The following SMC6 variants were observed in gnomAD, a reference collection of about 807,000 sequenced individuals.
The protein encoded by SMC6 is structural maintenance of chromosomes 6, also known as structural maintenance of chromosomes protein 6.
In SMC6, 79 loss-of-function variants were observed where a neutral mutation model predicts 142.2. That is an observed-to-expected ratio of 0.56 (90% CI 0.46 to 0.67). The LOEUF (loss-of-function observed/expected upper bound fraction) is 0.67. Ranked by LOEUF, SMC6 falls within the 30% of genes least tolerant of loss-of-function variation. The pLI is 0.00. For missense variants in SMC6, 1,072 were observed against 1,284.0 expected (o/e 0.83, Z 2.52); for synonymous variants, 411 against 412.4 (o/e 1.00, Z 0.04).
chr2:17,700,734 T>A (rs1668229096), intron 20 of SMC6, among the ~76,000 whole-genome samples: 1 of 152,074 alleles, frequency 6.6e-6, no homozygotes, highest in East Asian at 1.9e-4. Flanking sequence ...TATCCATATG[T>A]TTAAGAAATT....
intron 25 of SMC6, among the ~76,000 whole-genome samples, chr2:17,674,724 T>C (rs1034750604): frequency 4.6e-5 from 7 of 152,168 alleles, no homozygotes; most frequent in African/African-American, 1.7e-4. Flanking sequence ...ATTAGGTATA[T>C]ACAAATTAAA....
rs146685442 is a variant in SMC6 at position 17,691,350 on chromosome 2, CTGTG to C, written c.2678+3798_2678+3801del. On this transcript the variant is annotated intron_variant, in intron 23 of 27. Transcript: ENST00000448223. ...TGTGTGTGTCTCTGTGTGTGTGTGT[CTGTG>C]TGTGTGTGTGTGTATACACATTTTT... Among the ~76,000 whole-genome samples, 34 of 140,018 alleles carry C rather than the reference CTGTG, an allele frequency of 2.4e-4. 1 individual carries two copies. The South Asian group carries it at 8.1e-3, about 33-fold the overall frequency. 91.9% of individuals were successfully genotyped at this position (140,018 alleles called of 152,430 possible).
At chr2:17,668,444 C>T (rs1322842478) in intron 26 of SMC6, among the ~76,000 whole-genome samples, 2 of 152,128 alleles carry the variant, frequency 1.3e-5, no homozygotes, top group Admixed American at 6.6e-5. Flanking sequence ...ATAAACATCT[C>T]AGACATAGCT....
chr2:17,666,886 G>A (rs1252418056), intron 26 of SMC6, among the ~76,000 whole-genome samples: 1 of 152,036 alleles, frequency 6.6e-6, no homozygotes, highest in African/African-American at 2.4e-5. Context: ...GGAGGCCGAG[G>A]CAGGAGGATC....
chr2:17,707,797 T>A lies in SMC6; in HGVS notation c.1846-418A>T, dbSNP rs748885409. ...AGCAAATTCCAATAAAAGATTAACA[T>A]ACTGAAATATGTAGGGAAAGTCTGG... is the stretch of plus-strand genomic sequence containing the variant. On this transcript the variant is annotated intron_variant, in intron 17 of 27. Transcript: ENST00000448223. 3.9e-5 allele frequency among the ~76,000 whole-genome samples: 6 copies of A among 152,028 alleles called. No individual in the cohort carries two copies. In the South Asian group the frequency reaches 1.2e-3, roughly 31 times the overall value.
rs77216570 is a variant in SMC6 at position 17,736,483 on chromosome 2, A to G, written c.344+1738T>C. Among the ~76,000 whole-genome samples, 735 of 152,310 alleles carry G rather than the reference A, an allele frequency of 4.8e-3. 4 individuals are homozygous for G. The highest frequency in any genetic ancestry group is 7.9e-3 in the Non-Finnish European group (535 of 68,020). The stretch of plus-strand genomic sequence containing the variant: ...GAAAACATTTAACAGTGTATAAAAA[A>G]TAATTTCTTCTTAAAGACTGTATCT... On this transcript the variant is annotated intron_variant, in intron 5 of 27. Transcript: ENST00000448223.
chr2:17,745,973 C>T (rs1271140544), intron 2 of SMC6, 22 bp from the exon 3 acceptor site: 1 of 1,567,836 alleles, frequency 6.4e-7, no homozygotes, highest in Non-Finnish European at 8.6e-7. Context: ...TTTATAGTAA[C>T]AATGAGGTAA....
chr2:17,704,255 G>A (rs1668401351), intron 18 of SMC6, among the ~76,000 whole-genome samples: 1 of 152,094 alleles, frequency 6.6e-6, no homozygotes, highest in African/African-American at 2.4e-5. Context: ...CCAACTAGGG[G>A]AGAAGATAAA....
intron 7 of SMC6, among the ~76,000 whole-genome samples, chr2:17,730,051 A>C (rs1669831117): frequency 6.6e-6 from 1 of 152,186 alleles, no homozygotes; most frequent in Non-Finnish European, 1.5e-5. Flanking sequence ...TGCACAATGG[A>C]TAGAACAGTA....
intron 16 of SMC6, among the ~76,000 whole-genome samples, chr2:17,712,400 T>C (rs894985942): frequency 6.6e-6 from 1 of 152,192 alleles, no homozygotes; most frequent in East Asian, 1.9e-4. Context: ...AAGTATGTGA[T>C]TCAAGGCACA....
At chr2:17,666,373 C>A in intron 27 of SMC6, 47 bp downstream of exon 27, 1 of 1,287,242 alleles carries the variant, frequency 7.8e-7, no homozygotes, top group African/African-American at 1.5e-5. Flanking sequence ...GATTTCTTTC[C>A]CCCTTTTATA....
At chr2:17,719,449 G>T (rs533449870) in intron 11 of SMC6, among the ~76,000 whole-genome samples, 68 of 152,184 alleles carry the variant, frequency 4.5e-4, no homozygotes, top group Non-Finnish European at 8.2e-4. Context: ...CCAGAAATTT[G>T]CCAATTACAA....
intron 23 of SMC6, among the ~76,000 whole-genome samples, chr2:17,685,803 A>C (rs1309104457): frequency 6.6e-6 from 1 of 152,116 alleles, no homozygotes; most frequent in African/African-American, 2.4e-5. Context: ...AAATAAAAAT[A>C]ATCTTTTCAT....
At chr2:17,743,792 T>C (rs998678061) in intron 3 of SMC6, among the ~76,000 whole-genome samples, 1 of 152,164 alleles carries the variant, frequency 6.6e-6, no homozygotes, top group Non-Finnish European at 1.5e-5. Flanking sequence ...GATTTTTAAC[T>C]CTCCATAGTT....
intron 5 of SMC6, among the ~76,000 whole-genome samples, chr2:17,733,654 T>A (rs1670012619): frequency 6.6e-6 from 1 of 152,212 alleles, no homozygotes; most frequent in African/African-American, 2.4e-5. Context: ...AGATGGTGAA[T>A]CCTGGGAGCT....
At chr2:17,727,635 G>GA (rs1389340113) in intron 7 of SMC6, among the ~76,000 whole-genome samples, 5 of 151,922 alleles carry the variant, frequency 3.3e-5, no homozygotes, top group South Asian at 2.1e-4. Context: ...GAAAAGTATA[G>GA]AAAAAATACA....
Position 17,731,785 on chromosome 2 carries a change from A to C in SMC6, c.437T>G (p.Ile146Ser), listed in dbSNP as rs547849967. 6.2e-7 allele frequency: 1 copy of C among 1,613,814 alleles called. No individual in the cohort carries two copies. The highest frequency in any genetic ancestry group is 2.2e-5 in the East Asian group (1 of 44,814). The change falls in exon 6 of 28, where the codon ATC becomes AGC. Residue 146 changes from isoleucine (I) to serine (S), a missense_variant. By Grantham distance (142) the Ile-to-Ser change is moderately radical (BLOSUM62 -2). Transcript: ENST00000448223. ...ATAAGATCGACTTCCATCTATGCTG[A>C]TGTGTTGCTGTATAAGTATAGAGTT... ...YGNSILIQQH[I>S]SIDGSRSYKL...
chr2:17,708,665 C>T lies in SMC6; in HGVS notation c.1819G>A (p.Gly607Ser). The change falls in exon 17 of 28, where the codon GGC (glycine) becomes AGC (serine). Residue 607 changes from glycine to serine, a missense_variant. This residue lies in a region of SMC6 where 994 missense variants were observed against 1,153.2 expected (regional missense o/e 0.86). Transcript: ENST00000448223. ...VVANSLIDMRGIETVLLIKNN... is the reference protein window; with the variant it reads ...VVANSLIDMRSIETVLLIKNN... ...TTGATTAGTAGCACTGTCTCTATGCCTCTCATGTCAATTAGGCTATTTGCC... is the reference window on the plus strand; with the variant it reads ...TTGATTAGTAGCACTGTCTCTATGCTTCTCATGTCAATTAGGCTATTTGCC... 1.3e-6 allele frequency: 2 copies of T among 1,535,810 alleles called. No individual in the cohort carries two copies. The highest frequency in any genetic ancestry group is 2.8e-5 in the African/African-American group (2 of 71,466).
chr2:17,718,352 A>G (rs147837420), intron 11 of SMC6, 129 bp from the exon 12 acceptor site: 2 of 531,052 alleles, frequency 3.8e-6, no homozygotes, highest in Non-Finnish European at 6.2e-6. Context: ...AATAAACATA[A>G]CATAACATTA....
Sources: gnomAD v4.1 joint callset for allele counts (sites outside exome capture counted in the v4.1 genomes callset) on GRCh38, gnomAD v4.1.1 for gene constraint, gnomAD v4.1.1 regional missense constraint, MANE v1.5 for transcripts, NCBI Gene and HGNC (gene_info 2026-07-23, HGNC 2026-07-21) for gene names.